The following NKAIN3 variants were observed in gnomAD, a reference collection of about 807,000 sequenced individuals.
NKAIN3 encodes the protein sodium/potassium transporting ATPase interacting 3.
NKAIN3 carries 25 observed loss-of-function variants against 30.2 expected under a neutral mutation model. The ratio of observed to expected loss-of-function variants is 0.83; its 90% CI spans 0.60 to 1.16. NKAIN3 has a LOEUF of 1.16. Ranked by LOEUF, NKAIN3 falls within the 50% of genes most tolerant of loss-of-function variation. The pLI, the probability that NKAIN3 is intolerant of heterozygous loss-of-function variation, is 0.00. For synonymous variants in NKAIN3, 91 were observed against 89.6 expected (o/e 1.02, Z -0.09); for missense variants, 225 against 254.1 (o/e 0.89, Z 0.78).
chr8:62,701,907 A>T (rs1279107025), intron 3 of NKAIN3, among the ~76,000 whole-genome samples: 1 of 152,172 alleles, frequency 6.6e-6, no homozygotes, highest in Non-Finnish European at 1.5e-5. Flanking sequence ...CCTACGCTCC[A>T]CTTAACCCCA....
chr8:62,756,303 G>A (rs1816449133), intron 4 of NKAIN3, among the ~76,000 whole-genome samples: 1 of 152,106 alleles, frequency 6.6e-6, no homozygotes, highest in Non-Finnish European at 1.5e-5. Flanking sequence ...CTATAGACTT[G>A]CCTCTACTGG....
In NKAIN3 at chr8:62,935,828, T is replaced by A. The variant is rs1822768043; in HGVS notation, c.532+17315T>A. On this transcript the variant is annotated intron_variant, in intron 5 of 6. Coordinates refer to ENST00000623646, the MANE Select transcript of NKAIN3 (RefSeq NM_001304533.3). The stretch of plus-strand genomic sequence containing the variant: ...ACACACTCAATAATCTTCTCTCAAA[T>A]CAACTGTCTCAGCACAGACTATTTA... 4.6e-5 allele frequency among the ~76,000 whole-genome samples: 7 copies of A among 152,222 alleles called. No individual in the cohort carries two copies. In the South Asian group the frequency reaches 1.4e-3, roughly 32 times the overall value.
intron 3 of NKAIN3, among the ~76,000 whole-genome samples, chr8:62,649,900 A>G (rs1430981096): frequency 6.6e-6 from 1 of 152,094 alleles, no homozygotes; most frequent in African/African-American, 2.4e-5. Flanking sequence ...ACAACTGCAA[A>G]GTCCCCGTGA....
chr8:62,821,989 G>A (rs1818862905), intron 4 of NKAIN3, among the ~76,000 whole-genome samples: 2 of 151,924 alleles, frequency 1.3e-5, no homozygotes, highest in African/African-American at 2.4e-5. Context: ...CCTTTATAGA[G>A]GGTGATGGGC....
chr8:62,281,407 A>C (rs983162310), intron 1 of NKAIN3, among the ~76,000 whole-genome samples: 1 of 151,292 alleles, frequency 6.6e-6, no homozygotes, highest in Non-Finnish European at 1.5e-5. Context: ...TTATTTCTTG[A>C]CTTCTGCTAA....
chr8:62,267,048 C>T (rs1453170745), intron 1 of NKAIN3, among the ~76,000 whole-genome samples: 1 of 152,214 alleles, frequency 6.6e-6, no homozygotes, highest in Non-Finnish European at 1.5e-5. Context: ...CAAAACCTGC[C>T]AGGCTAAGCC....
intron 5 of NKAIN3, among the ~76,000 whole-genome samples, chr8:62,947,924 C>A (rs988072542): frequency 8.5e-5 from 13 of 152,248 alleles, no homozygotes; most frequent in African/African-American, 2.9e-4. Flanking sequence ...TCCTGCTAGG[C>A]TCTGCTCAGA....
chr8:62,571,744 T>C (rs557670629), intron 1 of NKAIN3, among the ~76,000 whole-genome samples: 43 of 152,260 alleles, frequency 2.8e-4, no homozygotes, highest in African/African-American at 9.9e-4. Context: ...CAACCCCACA[T>C]GGAAGCTGTC....
intron 1 of NKAIN3, among the ~76,000 whole-genome samples, chr8:62,331,300 T>C (rs983457378): frequency 6.6e-6 from 1 of 151,962 alleles, no homozygotes; most frequent in Non-Finnish European, 1.5e-5. Flanking sequence ...AACTCATACA[T>C]GTTAAGACCC....
intron 4 of NKAIN3, among the ~76,000 whole-genome samples, chr8:62,780,810 T>C (rs1263888935): frequency 1.3e-5 from 2 of 152,100 alleles, no homozygotes; most frequent in African/African-American, 4.8e-5. Context: ...AGTGGTCATA[T>C]ACGACAAACC....
At chr8:62,320,279 T>G (rs951756213) in intron 1 of NKAIN3, among the ~76,000 whole-genome samples, 2 of 152,202 alleles carry the variant, frequency 1.3e-5, no homozygotes, top group African/African-American at 4.8e-5. Flanking sequence ...GGCCTGACTC[T>G]TTATCCAATT....
chr8:62,824,738 C>A (rs1026439464), intron 4 of NKAIN3, among the ~76,000 whole-genome samples: 1 of 152,138 alleles, frequency 6.6e-6, no homozygotes, highest in East Asian at 1.9e-4. Context: ...TTCTATATGG[C>A]TCTGACCAGT....
At chr8:62,556,520 A>G (rs966063607) in intron 1 of NKAIN3, among the ~76,000 whole-genome samples, 3 of 151,892 alleles carry the variant, frequency 2.0e-5, no homozygotes, top group Admixed American at 2.0e-4. Context: ...GTTGACTTAA[A>G]AGACAAAGAT....
At chr8:62,775,273 A>G in intron 4 of NKAIN3, among the ~76,000 whole-genome samples, 1 of 151,766 alleles carries the variant, frequency 6.6e-6, no homozygotes, top group East Asian at 1.9e-4. Flanking sequence ...CTCTAATTTT[A>G]TTTATTTGGG....
intron 3 of NKAIN3, among the ~76,000 whole-genome samples, chr8:62,635,168 A>G (rs1812088696): frequency 6.6e-6 from 1 of 152,114 alleles, no homozygotes; most frequent in African/African-American, 2.4e-5. Flanking sequence ...AAAATAAATC[A>G]AAGATCAAAT....
At chr8:62,678,704 A>G (rs1392002523) in intron 3 of NKAIN3, among the ~76,000 whole-genome samples, 1 of 150,524 alleles carries the variant, frequency 6.6e-6, no homozygotes, top group Non-Finnish European at 1.5e-5. Context: ...TTGATAATAT[A>G]ATATAATGAT....
chr8:62,682,800 C>T (rs1563514558), intron 3 of NKAIN3, among the ~76,000 whole-genome samples: 3 of 152,128 alleles, frequency 2.0e-5, no homozygotes, highest in Admixed American at 2.0e-4. Flanking sequence ...GGGAACCACA[C>T]CCCCATCCCT....
intron 3 of NKAIN3, among the ~76,000 whole-genome samples, chr8:62,641,248 C>T (rs1159173824): frequency 2.6e-5 from 4 of 152,108 alleles, no homozygotes; most frequent in Admixed American, 2.0e-4. Flanking sequence ...TGTAATTGTG[C>T]TAACAGAAAG....
intron 5 of NKAIN3, among the ~76,000 whole-genome samples, chr8:62,951,402 A>C (rs780175743): frequency 1.3e-5 from 2 of 152,230 alleles, no homozygotes; most frequent in Non-Finnish European, 2.9e-5. Flanking sequence ...AAATAATTTT[A>C]ATTTTTTAAT....
Sources: allele counts gnomAD v4.1 joint callset (sites outside exome capture counted in the v4.1 genomes callset), GRCh38; gene constraint gnomAD v4.1.1; transcripts MANE v1.5; gene names NCBI Gene and HGNC (gene_info 2026-07-23, HGNC 2026-07-21).